Variants in C8A observed in about 807,000 individuals in gnomAD.
The protein encoded by C8A is complement component C8 alpha chain.
A neutral mutation model predicts 65.3 loss-of-function variants in C8A; 67 were observed. The ratio of observed to expected loss-of-function variants is 1.03; its 90% CI spans 0.84 to 1.26. The LOEUF (loss-of-function observed/expected upper bound fraction) is 1.26. Among genes scored for constraint, C8A ranks in the 50% most tolerant of loss-of-function variants. The pLI is 0.00. For missense variants in C8A, 781 were observed against 723.9 expected, an observed-to-expected ratio of 1.08 and a Z score of -0.90; for synonymous variants, 290 against 259.4, an observed-to-expected ratio of 1.12 and a Z score of -1.13.
At chr1:56,855,185 T>A (rs1033465867) in intron 1 of C8A, among the ~76,000 whole-genome samples, 1 of 152,222 alleles carries the variant, frequency 6.6e-6, no homozygotes, top group Non-Finnish European at 1.5e-5. Context: ...ACAGCTCTAA[T>A]GCTTAGAAGC....
At chr1:56,903,791 A>T (rs1557713413) in intron 7 of C8A, among the ~76,000 whole-genome samples, 1 of 152,234 alleles carries the variant, frequency 6.6e-6, no homozygotes, top group Non-Finnish European at 1.5e-5. Context: ...TCTGAAAAAC[A>T]GATTCCTGAT....
In C8A at chr1:56,875,043, C is replaced by A; in HGVS notation, c.266C>A (p.Thr89Asn). Residue 89 changes from threonine to asparagine, a missense_variant, in exon 3 of 11, where the codon ACT becomes AAT. Transcript: ENST00000361249. ...WDQASCSSST[T>N]CVRQAQCGQD... is the part of the protein sequence containing the mutation. The stretch of plus-strand genomic sequence containing the variant: ...CAAGCCAGCTGCTCCAGTTCTACAA[C>A]TTGTGTAAGGCAAGCACAGTGTGGA... 1 of 1,613,752 alleles carries A rather than the reference C, an allele frequency of 6.2e-7. No individual in the cohort carries two copies. Among genetic ancestry groups the A allele is most frequent in the East Asian group, 2.2e-5 (1 of 44,848 alleles).
At chr1:56,883,447 G>A (rs746307959) in intron 5 of C8A, 34 bp from the exon 6 acceptor site, 1 of 1,558,476 alleles carries the variant, frequency 6.4e-7, no homozygotes, top group Non-Finnish European at 8.8e-7. Flanking sequence ...GGCTCTATGT[G>A]CACAAAGCTA....
intron 9 of C8A, 131 bp downstream of exon 9, chr1:56,908,244 T>TGGC: frequency 9.4e-7 from 1 of 1,066,410 alleles, no homozygotes; most frequent in Non-Finnish European, 1.4e-6. Context: ...ACTGAACTAG[T>TGGC]GGCCTTGCTT....
chr1:56,895,846 G>A (rs1272840378), intron 7 of C8A, among the ~76,000 whole-genome samples: 1 of 152,130 alleles, frequency 6.6e-6, no homozygotes, highest in African/African-American at 2.4e-5. Flanking sequence ...CTACTTGGGA[G>A]GATGAGGTGG....
intron 4 of C8A, among the ~76,000 whole-genome samples, chr1:56,878,970 C>G (rs959157209): frequency 6.6e-6 from 1 of 152,154 alleles, no homozygotes; most frequent in African/African-American, 2.4e-5. Context: ...AAGTTTTCCC[C>G]CAAATTTTCT....
chr1:56,909,919 T>C (rs1270374500), intron 9 of C8A, among the ~76,000 whole-genome samples: 1 of 152,226 alleles, frequency 6.6e-6, no homozygotes, highest in Non-Finnish European at 1.5e-5. Context: ...TGACTGACAC[T>C]AACATCCTCA....
chr1:56,872,311 G>A (rs1210543466), intron 2 of C8A, among the ~76,000 whole-genome samples: 1 of 152,170 alleles, frequency 6.6e-6, no homozygotes, highest in African/African-American at 2.4e-5. Flanking sequence ...ACTATGCCAT[G>A]CATAATGTCC....
intron 7 of C8A, among the ~76,000 whole-genome samples, chr1:56,894,329 T>C (rs994263195): frequency 3.9e-5 from 6 of 152,176 alleles, no homozygotes; most frequent in African/African-American, 1.4e-4. Context: ...GTCATTCATT[T>C]CTGTCTCCAG....
chr1:56,861,633 A>C (rs1644034301), intron 1 of C8A, among the ~76,000 whole-genome samples: 1 of 152,206 alleles, frequency 6.6e-6, no homozygotes, highest in Non-Finnish European at 1.5e-5. Flanking sequence ...GGGACAAATA[A>C]ACCATAGCAG....
At chr1:56,885,789 A>C in intron 6 of C8A, 138 bp from the exon 7 acceptor site, 1 of 1,121,684 alleles carries the variant, frequency 8.9e-7, no homozygotes, top group Non-Finnish European at 1.3e-6. Flanking sequence ...TGACCTTGTG[A>C]TCCTCCAGCT....
intron 5 of C8A, among the ~76,000 whole-genome samples, chr1:56,881,947 A>G (rs1389346443): frequency 6.6e-6 from 1 of 152,146 alleles, no homozygotes; most frequent in African/African-American, 2.4e-5. Flanking sequence ...GACTATATAC[A>G]AGACTGTTAG....
chr1:56,866,598 G>T (rs113358582), intron 1 of C8A, among the ~76,000 whole-genome samples: 91 of 152,312 alleles, frequency 6.0e-4, no homozygotes, highest in African/African-American at 2.1e-3. Context: ...CTACACTAGG[G>T]TTATAATCAT....
chr1:56,865,572 A>G (rs1483996568), intron 1 of C8A, among the ~76,000 whole-genome samples: 1 of 152,182 alleles, frequency 6.6e-6, no homozygotes, highest in Non-Finnish European at 1.5e-5. Flanking sequence ...GGGGGACATA[A>G]ACATCAGTCA....
At chr1:56,867,581 T>C (rs773385599) in intron 1 of C8A, 28 bp from the exon 2 acceptor site, 2 of 1,546,576 alleles carry the variant, frequency 1.3e-6, no homozygotes, top group Admixed American at 1.7e-5. Flanking sequence ...CATCTCAAAA[T>C]TGATGCATGG....
At chr1:56,900,732 A>G (rs1644420540) in intron 7 of C8A, among the ~76,000 whole-genome samples, 1 of 152,228 alleles carries the variant, frequency 6.6e-6, no homozygotes, top group African/African-American at 2.4e-5. Context: ...TTTTAGAGGC[A>G]TTGTCTATAT....
intron 1 of C8A, among the ~76,000 whole-genome samples, chr1:56,860,557 T>C (rs1394338319): frequency 6.6e-6 from 1 of 152,122 alleles, no homozygotes; most frequent in Non-Finnish European, 1.5e-5. Flanking sequence ...AAAGGTAAAG[T>C]AGAAGAAGGT....
chr1:56,859,929 G>A (rs1320037377), intron 1 of C8A, among the ~76,000 whole-genome samples: 1 of 152,132 alleles, frequency 6.6e-6, no homozygotes, highest in Non-Finnish European at 1.5e-5. Flanking sequence ...TGGGCATGGT[G>A]GCACATGCCT....
chr1:56,882,620 G>A (rs1644256632), intron 5 of C8A, among the ~76,000 whole-genome samples: 1 of 151,948 alleles, frequency 6.6e-6, no homozygotes, highest in Non-Finnish European at 1.5e-5. Context: ...AAGCTTATAG[G>A]GCCTGTTTTT....
Sources: gnomAD v4.1 joint callset for allele counts (sites outside exome capture counted in the v4.1 genomes callset) on GRCh38, gnomAD v4.1.1 for gene constraint, MANE v1.5 for transcripts, NCBI Gene and HGNC (gene_info 2026-07-23, HGNC 2026-07-21) for gene names.